CNTNAP2: variants seen among roughly 807,000 people sequenced by gnomAD.
CNTNAP2 encodes contactin associated protein 2.
A neutral mutation model predicts 155.2 loss-of-function variants in CNTNAP2; 98 were observed. That is an observed-to-expected ratio of 0.63 (90% CI 0.54 to 0.75). The LOEUF is 0.75. CNTNAP2 is among the 30% of genes least tolerant of loss of function. The pLI is 0.00. For missense variants in CNTNAP2, 1,727 were observed against 1,688.1 expected (o/e 1.02, Z -0.40); for synonymous variants, 651 against 631.2 (o/e 1.03, Z -0.47).
intron 1 of CNTNAP2, among the ~76,000 whole-genome samples, chr7:146,333,623 T>C (rs1801221992): frequency 6.6e-6 from 1 of 152,240 alleles, no homozygotes; most frequent in Admixed American, 6.5e-5. Context: ...AATCATATTA[T>C]TAATATCAGT....
In CNTNAP2 at chr7:146,976,302, C is replaced by T. The variant is rs112469111; in HGVS notation, c.403-67605C>T. ...GGACACAAGCTGACTGTCCTCCAGC[C>T]CAGTTGCATTCTGACCCTGTCTATC... On this transcript the variant is annotated intron_variant, in intron 3 of 23. Coordinates refer to ENST00000361727, the MANE Select transcript of CNTNAP2 (RefSeq NM_014141.6). 6.4e-4 allele frequency among the ~76,000 whole-genome samples: 98 copies of T among 152,248 alleles called. No individual in the cohort carries two copies. The South Asian group carries it at 6.8e-3, about 11-fold the overall frequency.
At chr7:146,823,917 A>G (rs1021879638) in intron 2 of CNTNAP2, among the ~76,000 whole-genome samples, 5 of 152,064 alleles carry the variant, frequency 3.3e-5, no homozygotes, top group African/African-American at 1.2e-4. Context: ...CATGTGCAGA[A>G]CATGCAGGTT....
chr7:146,178,044 T>G (rs1490067295), intron 1 of CNTNAP2, among the ~76,000 whole-genome samples: 1 of 152,184 alleles, frequency 6.6e-6, no homozygotes, highest in East Asian at 1.9e-4. Flanking sequence ...TTTATTTTTT[T>G]ATTTTTTGAG....
At chr7:147,473,410 T>A (rs887822219) in intron 10 of CNTNAP2, among the ~76,000 whole-genome samples, 1 of 152,174 alleles carries the variant, frequency 6.6e-6, no homozygotes, top group Non-Finnish European at 1.5e-5. Context: ...ACAGAGCTCA[T>A]GCCCACAGAG....
intron 13 of CNTNAP2, among the ~76,000 whole-genome samples, chr7:147,811,157 CA>C (rs1286746584): frequency 6.6e-6 from 1 of 152,164 alleles, no homozygotes; most frequent in Non-Finnish European, 1.5e-5. Flanking sequence ...TGAAGTGGCA[CA>C]ATCTCAGCTC....
chr7:147,827,821 G>A (rs1465883258), intron 13 of CNTNAP2, among the ~76,000 whole-genome samples: 6 of 152,094 alleles, frequency 3.9e-5, no homozygotes, highest in Non-Finnish European at 8.8e-5. Flanking sequence ...AGCAAGTAAT[G>A]CAATGACTTC....
chr7:147,020,072 A>G (rs1798793345), intron 3 of CNTNAP2, among the ~76,000 whole-genome samples: 1 of 152,136 alleles, frequency 6.6e-6, no homozygotes, highest in Admixed American at 6.5e-5. Context: ...TTAGTATAGT[A>G]TAGCTATAGT....
intron 2 of CNTNAP2, among the ~76,000 whole-genome samples, chr7:146,796,653 A>G (rs1332464999): frequency 1.3e-5 from 2 of 152,098 alleles, no homozygotes; most frequent in African/African-American, 4.8e-5. Flanking sequence ...CTAGGTTAGA[A>G]ACATAGCTTG....
intron 15 of CNTNAP2, among the ~76,000 whole-genome samples, chr7:147,980,787 C>A (rs1181375010): frequency 7.5e-6 from 1 of 132,682 alleles, no homozygotes; most frequent in Non-Finnish European, 1.6e-5. Flanking sequence ...AAAAATTAGC[C>A]GGGCGTGGTG....
At chr7:147,312,297 CATGTGCACA>C (rs1373290968) in intron 9 of CNTNAP2, among the ~76,000 whole-genome samples, 1 of 151,834 alleles carries the variant, frequency 6.6e-6, no homozygotes, top group Non-Finnish European at 1.5e-5. Flanking sequence ...TTTTAGGGTA[CATGTGCACA>C]ATGTGCACGT....
intron 4 of CNTNAP2, among the ~76,000 whole-genome samples, chr7:147,052,975 T>C (rs1243756808): frequency 5.9e-5 from 9 of 152,094 alleles, no homozygotes; most frequent in Non-Finnish European, 1.0e-4. Context: ...GCACATGTAG[T>C]ATTCTTTAGT....
intron 2 of CNTNAP2, among the ~76,000 whole-genome samples, chr7:146,816,096 C>A (rs1803164792): frequency 6.6e-6 from 1 of 152,214 alleles, no homozygotes; most frequent in Non-Finnish European, 1.5e-5. Flanking sequence ...TTAACTCATC[C>A]TTTTTTATGG....
At chr7:146,447,303 T>C (rs924828779) in intron 1 of CNTNAP2, among the ~76,000 whole-genome samples, 4 of 152,080 alleles carry the variant, frequency 2.6e-5, no homozygotes, top group African/African-American at 7.2e-5. Flanking sequence ...TAATTTATTG[T>C]CTCAATAACT....
intron 13 of CNTNAP2, among the ~76,000 whole-genome samples, chr7:147,662,053 G>C (rs1795620745): frequency 6.6e-6 from 1 of 152,004 alleles, no homozygotes; most frequent in Non-Finnish European, 1.5e-5. Flanking sequence ...TTTTCTTTAA[G>C]GTTTGCAAGA....
At chr7:147,381,370 T>G (rs913966347) in intron 9 of CNTNAP2, among the ~76,000 whole-genome samples, 22 of 152,150 alleles carry the variant, frequency 1.4e-4, no homozygotes, top group Admixed American at 9.8e-4. Context: ...TCATAGTAAT[T>G]AAGCAAATGT....
At chr7:147,737,896 G>C (rs973829973) in intron 13 of CNTNAP2, among the ~76,000 whole-genome samples, 4 of 152,196 alleles carry the variant, frequency 2.6e-5, no homozygotes, top group Non-Finnish European at 5.9e-5. Context: ...GGAGTGACCC[G>C]ATTTTCCAGG....
intron 3 of CNTNAP2, among the ~76,000 whole-genome samples, chr7:146,975,493 A>G (rs1384746853): frequency 2.0e-5 from 3 of 152,104 alleles, no homozygotes; most frequent in Non-Finnish European, 4.4e-5. Flanking sequence ...CAAAAAAAAT[A>G]GTGGCTCATG....
At chr7:146,553,748 C>A (rs150414106) in intron 1 of CNTNAP2, among the ~76,000 whole-genome samples, 1 of 151,848 alleles carries the variant, frequency 6.6e-6, no homozygotes, top group African/African-American at 2.4e-5. Context: ...TTCAATGGAA[C>A]ATTCTAAAAA....
chr7:147,151,877 T>C (rs1801834428), intron 8 of CNTNAP2, among the ~76,000 whole-genome samples: 1 of 152,166 alleles, frequency 6.6e-6, no homozygotes, highest in African/African-American at 2.4e-5. Context: ...TGGGTCTATC[T>C]TTGGCTTTCA....
Sources: allele counts gnomAD v4.1 joint callset (sites outside exome capture counted in the v4.1 genomes callset), GRCh38; gene constraint gnomAD v4.1.1; transcripts MANE v1.5; gene names NCBI Gene and HGNC (gene_info 2026-07-23, HGNC 2026-07-21).